The following TRPC5 variants were observed in gnomAD, a reference collection of about 807,000 sequenced individuals.
TRPC5 encodes transient receptor potential cation channel subfamily C member 5, also known as short transient receptor potential channel 5.
A neutral mutation model predicts 56.5 loss-of-function variants in TRPC5; 9 were observed. The observed-to-expected ratio is 0.16, with a 90% CI of 0.10 to 0.28. The LOEUF is 0.28. Ranked by LOEUF, TRPC5 falls within the 10% of genes least tolerant of loss-of-function variation. The probability of loss-of-function intolerance (pLI) is 1.00; values close to 1 mark genes in which losing one functional copy is unlikely to be tolerated. For missense variants in TRPC5, 469 were observed against 748.9 expected, an observed-to-expected ratio of 0.63 and a Z score of 4.36; for synonymous variants, 282 against 278.5, an observed-to-expected ratio of 1.01 and a Z score of -0.13.
In TRPC5 at chrX:111,893,982, G is replaced by A. The variant is rs938496708; in HGVS notation, c.900+18309C>T. Reference sequence around the variant, plus strand: ...GATGTTTCCTCAAGGGGTGAAGAGGGTAACGAGAAGTTATATGTCTGTAGG... The same window carrying A: ...GATGTTTCCTCAAGGGGTGAAGAGGATAACGAGAAGTTATATGTCTGTAGG... On this transcript the variant is annotated intron_variant, in intron 3 of 10. Transcript: ENST00000262839. Among the ~76,000 whole-genome samples, 8 of 111,698 alleles carry A rather than the reference G, an allele frequency of 7.2e-5. No individual in the cohort carries two copies. The Admixed American group carries it at 7.7e-4, about 11-fold the overall frequency.
intron 2 of TRPC5, among the ~76,000 whole-genome samples, chrX:111,927,492 A>G (rs1926290981): frequency 8.9e-6 from 1 of 111,941 alleles, no homozygotes; most frequent in Non-Finnish European, 1.9e-5. Flanking sequence ...TAGAAACAGG[A>G]TGAATCTCAG....
At position 111,995,278 on chromosome X, in the gene TRPC5, C is replaced by T. The variant is rs150998712; in HGVS notation, c.-21-42837G>A. 7.1e-3 allele frequency among the ~76,000 whole-genome samples: 797 copies of T among 111,801 alleles called. 7 individuals carry two copies. Among genetic ancestry groups the T allele is most frequent in the African/African-American group, 0.023 (721 of 30,740 alleles). ...GTGATGGATTATGTTTATTGATTTG[C>T]GTATGTTGAACCACCCTTGCATCCT... On this transcript the variant is annotated intron_variant, in intron 1 of 10. Coordinates refer to ENST00000262839, the MANE Select transcript of TRPC5 (RefSeq NM_012471.3).
intron 1 of TRPC5, among the ~76,000 whole-genome samples, chrX:111,993,904 T>G (rs1368032758): frequency 1.8e-5 from 2 of 112,156 alleles, no homozygotes; most frequent in African/African-American, 6.5e-5. Context: ...CTCTTTAGTT[T>G]AATTAGATCT....
At chrX:112,015,898 C>T (rs992750557) in intron 1 of TRPC5, among the ~76,000 whole-genome samples, 2 of 111,453 alleles carry the variant, frequency 1.8e-5, no homozygotes, top group African/African-American at 6.5e-5. Context: ...AGAGCTTGGG[C>T]GTCTTTGCCT....
rs767007519 is a variant in TRPC5 at position 111,849,658 on chromosome X, C to A, written c.1378-2222G>T. On this transcript the variant is annotated intron_variant, in intron 5 of 10. Transcript: ENST00000262839. Reference sequence around the variant, plus strand: ...GACTTAGAAGACTCATTCTTCAAGCCAAACTCAGTCCTTTGGGCTTTTTAT... The same window carrying A: ...GACTTAGAAGACTCATTCTTCAAGCAAAACTCAGTCCTTTGGGCTTTTTAT... Among the ~76,000 whole-genome samples the A allele has an allele frequency of 2.7e-5, 3 of 112,391 alleles. No individual in the cohort carries two copies. The East Asian group carries it at 8.4e-4, about 32-fold the overall frequency.
Position 112,037,504 on chromosome X carries a change from C to G in TRPC5, c.-22+44375G>C, listed in dbSNP as rs190515238. ...ATTCATACCAATTTTCTTTTGCCCT[C>G]TTGACCTTATCTTTTTCCCCCTAAA... On this transcript the variant is annotated intron_variant, in intron 1 of 10. Coordinates refer to ENST00000262839, the MANE Select transcript of TRPC5 (RefSeq NM_012471.3). Among the ~76,000 whole-genome samples the G allele has an allele frequency of 2.2e-3, 248 of 111,785 alleles. 1 individual carries two copies. Among genetic ancestry groups the G allele is most frequent in the African/African-American group, 7.0e-3 (217 of 30,809 alleles).
At chrX:112,036,721 C>T (rs1379034073) in intron 1 of TRPC5, among the ~76,000 whole-genome samples, 2 of 111,304 alleles carry the variant, frequency 1.8e-5, no homozygotes. Context: ...TTGGAGCTGC[C>T]TATTCTGCTA....
intron 6 of TRPC5, among the ~76,000 whole-genome samples, chrX:111,839,173 C>G (rs777031965): frequency 4.5e-5 from 5 of 111,701 alleles, no homozygotes; most frequent in Non-Finnish European, 9.4e-5. Flanking sequence ...GCCCCAACCT[C>G]TAGCTTCTAC....
chrX:111,844,924 C>T (rs951368063), intron 6 of TRPC5, among the ~76,000 whole-genome samples: 16 of 110,577 alleles, frequency 1.4e-4, no homozygotes, highest in African/African-American at 5.3e-4. Context: ...GGCTGAGTAA[C>T]GTGTATTTTA....
chrX:112,009,146 G>A (rs979410873), intron 1 of TRPC5, among the ~76,000 whole-genome samples: 3 of 111,974 alleles, frequency 2.7e-5, no homozygotes, highest in Non-Finnish European at 5.6e-5. Context: ...GCCTAACCAC[G>A]GGCCTTCTTT....
intron 2 of TRPC5, among the ~76,000 whole-genome samples, chrX:111,927,325 C>A (rs933355185): frequency 2.7e-5 from 3 of 112,020 alleles, no homozygotes; most frequent in African/African-American, 9.7e-5. Flanking sequence ...CATTTTGGAA[C>A]CATTGAAGTA....
chrX:111,842,135 T>TTATATATA (rs1922771905), intron 6 of TRPC5, among the ~76,000 whole-genome samples: 4 of 81,182 alleles, frequency 4.9e-5, no homozygotes, highest in South Asian at 4.5e-4. Context: ...TATATATGTA[T>TTATATATA]ATATATATAT....
At chrX:112,031,533 G>A (rs1929584478) in intron 1 of TRPC5, among the ~76,000 whole-genome samples, 1 of 111,010 alleles carries the variant, frequency 9.0e-6, no homozygotes, top group Non-Finnish European at 1.9e-5. Flanking sequence ...TATGTTAATA[G>A]GAGTTAACTA....
intron 7 of TRPC5, among the ~76,000 whole-genome samples, chrX:111,809,106 C>T (rs1427501426): frequency 1.8e-5 from 2 of 110,319 alleles, no homozygotes; most frequent in Non-Finnish European, 3.8e-5. Flanking sequence ...ATGAGTTGCA[C>T]TGCCTGGATT....
At chrX:112,039,523 A>G (rs776126624) in intron 1 of TRPC5, among the ~76,000 whole-genome samples, 37 of 112,297 alleles carry the variant, frequency 3.3e-4, no homozygotes, top group Non-Finnish European at 6.4e-4. Context: ...TGCAATAGAG[A>G]TGATTTCTAA....
intron 2 of TRPC5, among the ~76,000 whole-genome samples, chrX:111,941,231 C>G (rs1926769569): frequency 8.9e-6 from 1 of 112,112 alleles, no homozygotes; most frequent in Non-Finnish European, 1.9e-5. Context: ...GATATGACCA[C>G]CTTGCAGGCT....
intron 10 of TRPC5, among the ~76,000 whole-genome samples, chrX:111,778,311 T>A (rs533244858): frequency 1.1e-3 from 121 of 111,245 alleles, no homozygotes; most frequent in South Asian, 4.6e-3. Flanking sequence ...AATTAAAAAA[T>A]ATATATATAG....
chrX:111,805,163 G>T (rs1341370305), intron 7 of TRPC5, among the ~76,000 whole-genome samples: 1 of 111,901 alleles, frequency 8.9e-6, no homozygotes, highest in Admixed American at 9.5e-5. Flanking sequence ...TTATTGATTT[G>T]CATATGTTGA....
intron 1 of TRPC5, among the ~76,000 whole-genome samples, chrX:111,953,798 A>G (rs969429283): frequency 1.8e-5 from 2 of 112,672 alleles, no homozygotes; most frequent in South Asian, 7.3e-4. Context: ...CTGCTTTGGC[A>G]GAGGGAGAGG....
Sources: gnomAD v4.1 joint callset for allele counts (sites outside exome capture counted in the v4.1 genomes callset) on GRCh38, gnomAD v4.1.1 for gene constraint, MANE v1.5 for transcripts, NCBI Gene and HGNC (gene_info 2026-07-23, HGNC 2026-07-21) for gene names.